Variants in DUSP14 observed in about 807,000 individuals in gnomAD.
DUSP14 encodes dual specificity protein phosphatase 14.
Under a neutral mutation model 13.2 loss-of-function variants are expected in DUSP14, and 5 were observed. That is an observed-to-expected ratio of 0.38 (90% CI 0.20 to 0.80). DUSP14 has a LOEUF of 0.80. Among genes scored for constraint, DUSP14 ranks in the 30% least tolerant of loss-of-function variants. The pLI is 0.44. For missense variants in DUSP14, 185 were observed against 264.0 expected, an observed-to-expected ratio of 0.70 and a Z score of 2.07; for synonymous variants, 91 against 103.4, an observed-to-expected ratio of 0.88 and a Z score of 0.73.
chr17:37,497,270 G>A (rs2054072175), intron 1 of DUSP14, among the ~76,000 whole-genome samples: 1 of 152,044 alleles, frequency 6.6e-6, no homozygotes, highest in African/African-American at 2.4e-5. Flanking sequence ...AGCCTCCTGA[G>A]TAGCTGGGAT....
chr17:37,512,193 A>G lies in DUSP14; in HGVS notation c.-80A>G, dbSNP rs943914897. On this transcript the variant is annotated 5_prime_UTR_variant, in exon 3 of 3. Coordinates refer to ENST00000617516, the MANE Select transcript of DUSP14 (RefSeq NM_007026.4). The surrounding 1 kb of genome is among the most constrained non-coding windows in gnomAD (Gnocchi z 4.8). ...CTGTATTTTGCAGGAAGGAGACTCT[A>G]ATTTTGGATTCCTTGGTGGAGGAAA... 15 of 1,219,932 alleles carry G rather than the reference A, an allele frequency of 1.2e-5. No homozygotes were observed. The highest frequency in any genetic ancestry group is 1.7e-5 in the Non-Finnish European group (15 of 871,894). 75.6% of individuals were successfully genotyped at this position (1,219,932 alleles called of 1,614,324 possible).
At chr17:37,499,343 A>T (rs1197640856) in intron 1 of DUSP14, among the ~76,000 whole-genome samples, 4 of 151,870 alleles carry the variant, frequency 2.6e-5, no homozygotes, top group Non-Finnish European at 4.4e-5. Context: ...TATTTTTTAA[A>T]TTTTTTTATT....
At chr17:37,498,617 C>T (rs1326357799) in intron 1 of DUSP14, among the ~76,000 whole-genome samples, 1 of 151,874 alleles carries the variant, frequency 6.6e-6, no homozygotes, top group Non-Finnish European at 1.5e-5. Flanking sequence ...TGAGCCACCG[C>T]ACCCGGCCTA....
upstream of DUSP14, among the ~76,000 whole-genome samples, chr17:37,489,260 G>C (rs1318708439): frequency 6.6e-6 from 1 of 152,112 alleles, no homozygotes; most frequent in African/African-American, 2.4e-5. Context: ...TCCGAGACTC[G>C]GACGGCACCT....
In DUSP14 at chr17:37,512,019, T is replaced by C. The variant is rs2054192388; in HGVS notation, c.-92-162T>C. On this transcript the variant is annotated intron_variant, in intron 2 of 2. Transcript: ENST00000617516. This position sits in a 1 kb window ranked among gnomAD's most constrained non-coding sequence, Gnocchi z 4.8. ...ACATGTTTGTGTCTTAGGTGACTTT[T>C]CCCAACTGTTAATTGATAGAAAATG... Among the ~76,000 whole-genome samples the C allele has an allele frequency of 6.7e-6, 1 of 148,374 alleles. No individual in the cohort carries two copies. The highest frequency in any genetic ancestry group is 1.5e-5 in the Non-Finnish European group (1 of 67,518).
At position 37,509,137 on chromosome 17, in the gene DUSP14, A is replaced by ATATATATATATG. The variant is rs1568204463; in HGVS notation, c.-180-1540_-180-1539insTATATATATATG. 8.2e-3 allele frequency among the ~76,000 whole-genome samples: 379 copies of ATATATATATATG among 46,394 alleles called. 37 individuals carry two copies. Among genetic ancestry groups the ATATATATATATG allele is most frequent in the East Asian group, 0.013 (14 of 1,044 alleles). 30.4% of individuals were successfully genotyped at this position (46,394 alleles called of 152,430 possible). A position where few individuals can be genotyped will look rare whatever the true frequency, so the allele number is the denominator to read the frequency against. On this transcript the variant is annotated intron_variant, in intron 1 of 2. Coordinates refer to ENST00000617516, the MANE Select transcript of DUSP14 (RefSeq NM_007026.4). ...TATATATATATATATATACACACAC[A>ATATATATATATG]CACACACACACACACACACACACAC... is the stretch of plus-strand genomic sequence containing the variant.
chr17:37,495,565 A>C (rs772654976), intron 1 of DUSP14, among the ~76,000 whole-genome samples: 2 of 152,144 alleles, frequency 1.3e-5, no homozygotes, highest in African/African-American at 4.8e-5. Flanking sequence ...GTTGACTAGT[A>C]AACATTATGT....
intron 1 of DUSP14, among the ~76,000 whole-genome samples, chr17:37,495,093 G>A (rs1383880588): frequency 1.3e-5 from 2 of 152,194 alleles, no homozygotes; most frequent in East Asian, 3.9e-4. Context: ...TCTGAGTGAT[G>A]GGGGAGGAGC....
rs148998348 is a variant in DUSP14, at chr17:37,512,886, G to C, written c.*17G>C. The C allele has an allele frequency of 4.0e-5, 63 of 1,583,532 alleles. No individual in the cohort carries two copies. Among genetic ancestry groups the C allele is most frequent in the Non-Finnish European group, 5.4e-5 (62 of 1,158,080 alleles). Reference sequence around the variant, plus strand: ...GGGATTTAGTGCCACTGAAGCCTGCGTCAGCAGCCCGAGCGGGGCCGGCAT... The same window carrying C: ...GGGATTTAGTGCCACTGAAGCCTGCCTCAGCAGCCCGAGCGGGGCCGGCAT... On this transcript the variant is annotated 3_prime_UTR_variant, in exon 3 of 3. Transcript: ENST00000617516. The surrounding 1 kb of genome is among the most constrained non-coding windows in gnomAD (Gnocchi z 4.8).
At chr17:37,504,765 G>A (rs2054127217) in intron 1 of DUSP14, among the ~76,000 whole-genome samples, 1 of 152,072 alleles carries the variant, frequency 6.6e-6, no homozygotes, top group Admixed American at 6.5e-5. Context: ...TTTTTTTGCA[G>A]AGACAGGGTC....
At position 37,513,334 on chromosome 17, in the gene DUSP14, T is replaced by G; in HGVS notation, c.*465T>G. 1 of 173,928 alleles carries G rather than the reference T, an allele frequency of 5.7e-6. No individual in the cohort carries two copies. 10.8% of individuals were successfully genotyped at this position (173,928 alleles called of 1,614,324 possible). ...GTCTCTACTGGATTAGCCCTACTCT[T>G]TCCTTTCCCCTCCATTATTTAGTGA... On this transcript the variant is annotated 3_prime_UTR_variant, in exon 3 of 3. Transcript: ENST00000617516.
At chr17:37,500,341 C>CA (rs1203534332) in intron 1 of DUSP14, among the ~76,000 whole-genome samples, 4 of 152,206 alleles carry the variant, frequency 2.6e-5, no homozygotes, top group Admixed American at 6.5e-5. Flanking sequence ...GATGAGACAT[C>CA]AAAGATGATC....
Position 37,512,246 on chromosome 17 carries a change from G to T in DUSP14, c.-27G>T. On this transcript the variant is annotated 5_prime_UTR_variant, in exon 3 of 3. Transcript: ENST00000617516. This position sits in a 1 kb window ranked among gnomAD's most constrained non-coding sequence, Gnocchi z 4.8. ...AAAACACTCTGGTCTTGCCGCCAAC[G>T]ATGCAAGTGTGACTGCTGGCGTCTT... 6.4e-7 allele frequency: 1 copy of T among 1,552,844 alleles called. No individual in the cohort carries two copies. Among genetic ancestry groups the T allele is most frequent in the Non-Finnish European group, 8.7e-7 (1 of 1,147,316 alleles).
At chr17:37,498,677 T>TTG (rs1555696517) in intron 1 of DUSP14, among the ~76,000 whole-genome samples, 1 of 16,218 alleles carries the variant, frequency 6.2e-5, no homozygotes, top group Non-Finnish European at 1.2e-4. Flanking sequence ...AAGTAATCAG[T>TTG]TTTTTTTTTT....
At chr17:37,498,892 A>C (rs1005323063) in intron 1 of DUSP14, among the ~76,000 whole-genome samples, 6 of 152,144 alleles carry the variant, frequency 3.9e-5, no homozygotes, top group Non-Finnish European at 8.8e-5. Context: ...AGGAGTCTGC[A>C]TTCTAACAGG....
At chr17:37,505,978 C>A (rs1186738300) in intron 1 of DUSP14, among the ~76,000 whole-genome samples, 1 of 152,132 alleles carries the variant, frequency 6.6e-6, no homozygotes, top group Non-Finnish European at 1.5e-5. Context: ...TAAGAACAAA[C>A]CAGACTGGGC....
At chr17:37,499,341 A>T (rs1035006292) in intron 1 of DUSP14, among the ~76,000 whole-genome samples, 2 of 151,842 alleles carry the variant, frequency 1.3e-5, no homozygotes, top group African/African-American at 2.4e-5. Flanking sequence ...TTTATTTTTT[A>T]AATTTTTTTA....
At chr17:37,506,584 CA>C (rs1280564874) in intron 1 of DUSP14, among the ~76,000 whole-genome samples, 1 of 152,168 alleles carries the variant, frequency 6.6e-6, no homozygotes, top group East Asian at 1.9e-4. Context: ...AAATACGGGT[CA>C]AACTCTGCTA....
intron 2 of DUSP14, among the ~76,000 whole-genome samples, chr17:37,511,937 A>ATTTTTTTTTTTTTTTT: frequency 6.1e-5 from 1 of 16,438 alleles, no homozygotes; most frequent in South Asian, 3.0e-3. Context: ...CCCCCACCCC[A>ATTTTTTTTTTTTTTTT]CTTTTTTTTT....
Sources: allele counts gnomAD v4.1 joint callset (sites outside exome capture counted in the v4.1 genomes callset), GRCh38; gene constraint gnomAD v4.1.1; non-coding constraint Gnocchi (gnomAD v3.1); transcripts MANE v1.5; gene names NCBI Gene and HGNC (gene_info 2026-07-23, HGNC 2026-07-21).